Variants in DOCK2 observed in about 807,000 individuals in gnomAD.
The protein encoded by DOCK2 is dedicator of cytokinesis 2, also known as dedicator of cytokinesis protein 2.
In DOCK2, 87 loss-of-function variants were observed where a neutral mutation model predicts 248.9. The observed-to-expected ratio is 0.35, with a 90% CI of 0.29 to 0.42. The LOEUF (loss-of-function observed/expected upper bound fraction) is 0.42, where lower values mean the gene tolerates loss of function less well. DOCK2 is among the 10% of genes least tolerant of loss of function. The probability of loss-of-function intolerance (pLI) is 1.00; values close to 1 mark genes in which losing one functional copy is unlikely to be tolerated. For synonymous variants in DOCK2, 805 were observed against 821.6 expected (o/e 0.98, Z 0.35); for missense variants, 1,747 against 2,300.2 (o/e 0.76, Z 4.92).
rs775994696 is a variant in DOCK2, at chr5:169,747,468, G to A, written c.2340G>A (p.Leu780=). Residue 780 remains leucine, a synonymous_variant, in exon 23 of 52, where the codon CTG becomes CTA. Coordinates refer to ENST00000520908, the MANE Select transcript of DOCK2 (RefSeq NM_004946.3). ...MRRLFESINN[L]MKSQYKTTIL... is the part of the protein sequence containing the mutation. ...GGCTCTTTGAATCCATCAACAATCT[G>A]ATGAAAAGTCAATACAAAACTACCA... The A allele has an allele frequency of 6.2e-7, 1 of 1,613,722 alleles. No individual in the cohort carries two copies. Among genetic ancestry groups the A allele is most frequent in the Non-Finnish European group, 8.5e-7 (1 of 1,179,822 alleles).
At chr5:169,640,844 A>G (rs2113080056) in intron 1 of DOCK2, among the ~76,000 whole-genome samples, 1 of 152,354 alleles carries the variant, frequency 6.6e-6, no homozygotes, top group Middle Eastern at 3.4e-3. Flanking sequence ...ATCCAGCTCA[A>G]AATAATCAAT....
intron 27 of DOCK2, among the ~76,000 whole-genome samples, chr5:169,927,650 T>C (rs542179241): frequency 3.9e-5 from 6 of 152,366 alleles, no homozygotes; most frequent in South Asian, 4.1e-4. Context: ...GGAGTCTCGC[T>C]CTGTCGCCCA....
At chr5:169,991,150 G>GC (rs1402743917) in intron 29 of DOCK2, among the ~76,000 whole-genome samples, 1 of 152,250 alleles carries the variant, frequency 6.6e-6, no homozygotes, top group Non-Finnish European at 1.5e-5. Context: ...CAGGCTTGCA[G>GC]CGCCTGTAGG....
At chr5:169,926,405 A>C (rs1775458785) in intron 27 of DOCK2, among the ~76,000 whole-genome samples, 2 of 152,208 alleles carry the variant, frequency 1.3e-5, no homozygotes, top group Non-Finnish European at 2.9e-5. Flanking sequence ...TGCTGGCATT[A>C]CTGTTAACAA....
chr5:170,041,513 G>A (rs1200895358), intron 37 of DOCK2, among the ~76,000 whole-genome samples: 1 of 152,182 alleles, frequency 6.6e-6, no homozygotes, highest in Non-Finnish European at 1.5e-5. Flanking sequence ...GGAGAGCTGG[G>A]AGCATGTTTC....
intron 20 of DOCK2, 22 bp from the exon 21 acceptor site, chr5:169,717,362 T>C (rs767011535): frequency 1.2e-6 from 2 of 1,607,828 alleles, no homozygotes; most frequent in South Asian, 2.2e-5. Flanking sequence ...CTGAAAATAC[T>C]GCTGCCTTGC....
chr5:169,730,421 G>A (rs1762709066), intron 22 of DOCK2, among the ~76,000 whole-genome samples: 1 of 152,172 alleles, frequency 6.6e-6, no homozygotes, highest in Admixed American at 6.5e-5. Flanking sequence ...GCATAGGGGA[G>A]AACAGGAGAA....
intron 14 of DOCK2, 89 bp downstream of exon 14, chr5:169,702,516 T>A: frequency 1.9e-6 from 3 of 1,566,236 alleles, no homozygotes; most frequent in Non-Finnish European, 2.6e-6. Flanking sequence ...CTGATTCTGT[T>A]GTCTAAATGC....
At chr5:169,947,522 T>C (rs1776495756) in intron 27 of DOCK2, among the ~76,000 whole-genome samples, 1 of 152,200 alleles carries the variant, frequency 6.6e-6, no homozygotes, top group African/African-American at 2.4e-5. Context: ...GCAACTAATA[T>C]CAGATTGACC....
At chr5:169,706,211 G>T (rs1006342557) in intron 14 of DOCK2, among the ~76,000 whole-genome samples, 5 of 152,212 alleles carry the variant, frequency 3.3e-5, no homozygotes, top group African/African-American at 9.7e-5. Flanking sequence ...AGATCCAGTT[G>T]CCTGCCATGC....
chr5:169,957,423 A>G (rs1219991582), intron 27 of DOCK2, among the ~76,000 whole-genome samples: 1 of 152,214 alleles, frequency 6.6e-6, no homozygotes, highest in African/African-American at 2.4e-5. Flanking sequence ...ATGTTAGCTT[A>G]GTACTACTTT....
chr5:169,917,635 T>C (rs572354734), intron 27 of DOCK2, among the ~76,000 whole-genome samples: 8 of 152,258 alleles, frequency 5.3e-5, no homozygotes, highest in African/African-American at 1.9e-4. Context: ...TGCGAAACAC[T>C]AGAAAGTCCC....
chr5:169,674,195 C>T, intron 5 of DOCK2, 102 bp from the exon 6 acceptor site: 1 of 1,436,984 alleles, frequency 7.0e-7, no homozygotes. Flanking sequence ...GAGCCTCAGG[C>T]CATGGCCCTT....
intron 33 of DOCK2, among the ~76,000 whole-genome samples, chr5:170,022,290 G>A (rs1235217780): frequency 1.3e-5 from 2 of 152,168 alleles, no homozygotes; most frequent in African/African-American, 4.8e-5. Flanking sequence ...TACATAGGCT[G>A]GAACTAGGAC....
chr5:169,690,373 A>G (rs1760224307), intron 9 of DOCK2, among the ~76,000 whole-genome samples: 2 of 152,226 alleles, frequency 1.3e-5, no homozygotes, highest in African/African-American at 4.8e-5. Flanking sequence ...AGTTGGATCC[A>G]GGAGTGACCG....
intron 34 of DOCK2, among the ~76,000 whole-genome samples, chr5:170,032,638 A>G (rs1561890078): frequency 6.6e-6 from 1 of 152,150 alleles, no homozygotes; most frequent in South Asian, 2.1e-4. Context: ...TCCCAGGAGG[A>G]GGCATGCACA....
At chr5:169,978,402 G>A (rs1007649901) in intron 27 of DOCK2, among the ~76,000 whole-genome samples, 1 of 136,852 alleles carries the variant, frequency 7.3e-6, no homozygotes, top group Non-Finnish European at 1.6e-5. Flanking sequence ...TGGGGGGGGG[G>A]GGGTGTAGGT....
rs746315081 is a variant in DOCK2, at chr5:170,056,667, C to T, written c.4296-17C>T. On this transcript the variant is annotated splice_polypyrimidine_tract_variant and intron_variant, in intron 42 of 51. Coordinates refer to ENST00000520908, the MANE Select transcript of DOCK2 (RefSeq NM_004946.3). ...GGGGATGGCTACCAGGAGCCTCAGC[C>T]TCTTCCTGTCTTTCAGCTTCTACAA... The T allele has an allele frequency of 2.5e-6, 4 of 1,613,110 alleles. No individual in the cohort carries two copies. Among genetic ancestry groups the T allele is most frequent in the African/African-American group, 1.3e-5 (1 of 75,018 alleles).
rs11952968 is a variant in DOCK2 at position 169,810,762 on chromosome 5, C to T, written c.2703+7556C>T. Among the ~76,000 whole-genome samples, 1,097 of 152,150 alleles carry T rather than the reference C, an allele frequency of 7.2e-3. 17 individuals carry two copies. Among genetic ancestry groups the T allele is most frequent in the African/African-American group, 0.025 (1,041 of 41,482 alleles). ...TTTAGTATGTCGCACTTAGCGCAAG[C>T]GACTCCATCTTGGTTTGATCTGGGC... On this transcript the variant is annotated intron_variant, in intron 26 of 51. Coordinates refer to ENST00000520908, the MANE Select transcript of DOCK2 (RefSeq NM_004946.3).
Sources: gnomAD v4.1 joint callset for allele counts (sites outside exome capture counted in the v4.1 genomes callset) on GRCh38, gnomAD v4.1.1 for gene constraint, MANE v1.5 for transcripts, NCBI Gene and HGNC (gene_info 2026-07-23, HGNC 2026-07-21) for gene names.